The following PSD3 variants were observed in gnomAD, a reference collection of about 807,000 sequenced individuals.
The protein encoded by PSD3 is pleckstrin and Sec7 domain containing 3, also known as PH and SEC7 domain-containing protein 3.
A neutral mutation model predicts 105.5 loss-of-function variants in PSD3; 49 were observed. The observed-to-expected ratio is 0.46, with a 90% CI of 0.37 to 0.59. The LOEUF (loss-of-function observed/expected upper bound fraction) is 0.59, where lower values mean the gene tolerates loss of function less well. Among genes scored for constraint, PSD3 ranks in the 20% least tolerant of loss-of-function variants. The pLI is 0.00. For synonymous variants in PSD3, 557 were observed against 457.8 expected (o/e 1.22, Z -2.77); for missense variants, 1,561 against 1,263.8 (o/e 1.24, Z -3.57).
At chr8:18,767,440 G>A (rs953035359) in intron 8 of PSD3, among the ~76,000 whole-genome samples, 1 of 152,176 alleles carries the variant, frequency 6.6e-6, no homozygotes, top group Non-Finnish European at 1.5e-5. Flanking sequence ...TGAATACAAA[G>A]TGTACCAACA....
chr8:18,889,039 AG>A (rs1426341292), intron 2 of PSD3, among the ~76,000 whole-genome samples: 1 of 151,936 alleles, frequency 6.6e-6, no homozygotes, highest in Non-Finnish European at 1.5e-5. Context: ...TACACGGGTC[AG>A]GTTACTGAAT....
chr8:18,718,750 G>A (rs911884276), intron 9 of PSD3, among the ~76,000 whole-genome samples: 2 of 152,128 alleles, frequency 1.3e-5, no homozygotes, highest in African/African-American at 4.8e-5. Context: ...GATGACAGAA[G>A]AGAGTAGGAG....
intron 1 of PSD3, among the ~76,000 whole-genome samples, chr8:18,971,787 T>C (rs902527319): frequency 6.6e-6 from 1 of 152,044 alleles, no homozygotes; most frequent in African/African-American, 2.4e-5. Context: ...GGTGGATCAC[T>C]TGAGGTCAGG....
intron 9 of PSD3, among the ~76,000 whole-genome samples, chr8:18,724,677 G>A (rs1803225601): frequency 6.6e-6 from 1 of 152,012 alleles, no homozygotes; most frequent in Admixed American, 6.6e-5. Flanking sequence ...GGACCTGGCG[G>A]GGGAAGTGTA....
chr8:18,957,311 T>C (rs1823635405), intron 1 of PSD3, among the ~76,000 whole-genome samples: 2 of 150,438 alleles, frequency 1.3e-5, no homozygotes, highest in Admixed American at 1.3e-4. Flanking sequence ...GCGGAGGTTA[T>C]GGTGAGCGGA....
chr8:19,003,052 A>G (rs1342936012), intron 1 of PSD3, among the ~76,000 whole-genome samples: 2 of 151,986 alleles, frequency 1.3e-5, no homozygotes, highest in African/African-American at 4.8e-5. Context: ...TAACCACTAA[A>G]TGTTGGTGAG....
chr8:18,924,146 C>A (rs1821211747), intron 2 of PSD3, among the ~76,000 whole-genome samples: 1 of 152,118 alleles, frequency 6.6e-6, no homozygotes, highest in African/African-American at 2.4e-5. Context: ...TAAGGTGGAA[C>A]CTCTAACTTA....
At chr8:18,696,347 T>C (rs1801261249) in intron 9 of PSD3, among the ~76,000 whole-genome samples, 1 of 152,192 alleles carries the variant, frequency 6.6e-6, no homozygotes, top group East Asian at 1.9e-4. Flanking sequence ...ATTAGATAGA[T>C]ATTATCAGTC....
At chr8:18,616,799 A>G (rs1466047683) in intron 11 of PSD3, among the ~76,000 whole-genome samples, 1 of 149,544 alleles carries the variant, frequency 6.7e-6, no homozygotes, top group Non-Finnish European at 1.5e-5. Flanking sequence ...CATTTTTTGT[A>G]TTTTTAGTAG....
chr8:19,024,166 G>A (rs1193294137), intron 1 of PSD3, among the ~76,000 whole-genome samples: 3 of 152,092 alleles, frequency 2.0e-5, no homozygotes, highest in Non-Finnish European at 4.4e-5. Context: ...GTTTTCAAAA[G>A]CAATATTTCT....
intron 8 of PSD3, among the ~76,000 whole-genome samples, chr8:18,780,577 ACACT>A (rs1808512353): frequency 6.6e-6 from 1 of 151,866 alleles, no homozygotes; most frequent in Admixed American, 6.6e-5. Flanking sequence ...TGTGAGACCG[ACACT>A]CACTCTGTTG....
chr8:18,550,144 G>T (rs17694550), intron 15 of PSD3, among the ~76,000 whole-genome samples: 1 of 152,176 alleles, frequency 6.6e-6, no homozygotes, highest in African/African-American at 2.4e-5. Flanking sequence ...ATTGATGAAG[G>T]AGGGATTTAA....
chr8:18,797,405 T>A (rs1219957383), intron 8 of PSD3, among the ~76,000 whole-genome samples: 2 of 152,180 alleles, frequency 1.3e-5, no homozygotes, highest in African/African-American at 4.8e-5. Flanking sequence ...TGTTAATTTA[T>A]GTAAACTCTT....
At chr8:18,785,870 G>C (rs116124042) in intron 8 of PSD3, among the ~76,000 whole-genome samples, 2 of 152,132 alleles carry the variant, frequency 1.3e-5, no homozygotes, top group African/African-American at 4.8e-5. Flanking sequence ...AGCCTTTGGC[G>C]CAGTCAAAAC....
chr8:18,620,383 T>C (rs988620320), intron 11 of PSD3, among the ~76,000 whole-genome samples: 4 of 149,962 alleles, frequency 2.7e-5, no homozygotes, highest in East Asian at 2.0e-4. Flanking sequence ...GTCACTCACA[T>C]TGGCTCAGAA....
intron 4 of PSD3, among the ~76,000 whole-genome samples, chr8:18,820,454 A>G (rs1225210794): frequency 6.6e-6 from 1 of 152,148 alleles, no homozygotes; most frequent in African/African-American, 2.4e-5. Context: ...ATGGATGTTC[A>G]AGTCCCTGAT....
intron 2 of PSD3, among the ~76,000 whole-genome samples, chr8:18,901,339 T>C (rs1236259628): frequency 1.3e-5 from 2 of 152,226 alleles, no homozygotes; most frequent in Non-Finnish European, 2.9e-5. Context: ...GAGTTTCTTG[T>C]AGGCAGCATA....
intron 8 of PSD3, among the ~76,000 whole-genome samples, chr8:18,788,218 C>T (rs1352578526): frequency 1.3e-5 from 2 of 152,176 alleles, no homozygotes; most frequent in African/African-American, 4.8e-5. Context: ...TCTCCAAATG[C>T]AGGTTTTCGC....
chr8:19,043,552 T>A (rs542703260), intron 1 of PSD3, among the ~76,000 whole-genome samples: 1 of 152,210 alleles, frequency 6.6e-6, no homozygotes, highest in Non-Finnish European at 1.5e-5. Flanking sequence ...AAATCTTGAA[T>A]AGGCATTTCT....
Sources: allele counts gnomAD v4.1 joint callset (sites outside exome capture counted in the v4.1 genomes callset), GRCh38; gene constraint gnomAD v4.1.1; transcripts MANE v1.5; gene names NCBI Gene and HGNC (gene_info 2026-07-23, HGNC 2026-07-21).